WRN: variants seen among roughly 807,000 people sequenced by gnomAD.
The protein encoded by WRN is WRN RecQ like helicase.
WRN carries 149 observed loss-of-function variants against 180.7 expected under a neutral mutation model. That is an observed-to-expected ratio of 0.82 (90% CI 0.72 to 0.94). WRN has a LOEUF of 0.94. Among genes scored for constraint, WRN ranks in the 40% least tolerant of loss-of-function variants. The pLI, the probability that WRN is intolerant of heterozygous loss-of-function variation, is 0.00. For missense variants in WRN, 1,661 were observed against 1,700.1 expected, an observed-to-expected ratio of 0.98 and a Z score of 0.40; for synonymous variants, 548 against 568.9, an observed-to-expected ratio of 0.96 and a Z score of 0.52.
rs2130514189 is a variant in WRN at position 31,167,043 on chromosome 8, T to G, written c.4004T>G (p.Ile1335Ser). Residue 1335 changes from isoleucine (I) to serine (S), a missense_variant, in exon 34 of 35, where the codon ATC becomes AGC. Ile to Ser is a moderately radical substitution (Grantham distance 142). Coordinates refer to ENST00000298139, the MANE Select transcript of WRN (RefSeq NM_000553.6). ...VNSDMSKISLIRMLVPENIDT... is the reference protein window; with the variant it reads ...VNSDMSKISLSRMLVPENIDT... ...ACAGATATGAGTAAAATTAGCCTAA[T>G]CAGAATGTTAGTTCCTGAAAACATT... is the stretch of plus-strand genomic sequence containing the variant. 1 of 1,613,100 alleles carries G rather than the reference T, an allele frequency of 6.2e-7. No homozygotes were observed. Among genetic ancestry groups the G allele is most frequent in the Non-Finnish European group, 8.5e-7 (1 of 1,179,338 alleles).
At chr8:31,116,588 A>G (rs891886197) in intron 20 of WRN, 60 bp downstream of exon 20, 2 of 1,597,886 alleles carry the variant, frequency 1.3e-6, no homozygotes, top group African/African-American at 1.3e-5. Flanking sequence ...TATTTCTCAA[A>G]TGTTTATTTA....
intron 19 of WRN, 94 bp downstream of exon 19, chr8:31,111,893 A>G (rs953354949): frequency 4.2e-6 from 6 of 1,425,158 alleles, no homozygotes; most frequent in Non-Finnish European, 5.8e-6. Flanking sequence ...TTTCCTTCTA[A>G]TGCATATTTA....
intron 21 of WRN, among the ~76,000 whole-genome samples, chr8:31,124,263 G>C (rs1801832538): frequency 6.6e-6 from 1 of 151,972 alleles, no homozygotes; most frequent in Non-Finnish European, 1.5e-5. Context: ...AGCAGCTAAA[G>C]AATTGATACT....
chr8:31,171,040 T>C (rs1389596837), intron 34 of WRN: 1 of 152,198 alleles, frequency 6.6e-6, no homozygotes, highest in Non-Finnish European at 1.5e-5. Flanking sequence ...TTCAGTGATG[T>C]TATGTACTAT....
rs769665299 is a variant in WRN at position 31,141,458 on chromosome 8, G to C, written c.2996G>C (p.Arg999Pro). 6.2e-7 allele frequency: 1 copy of C among 1,613,788 alleles called. No individual in the cohort carries two copies. Among genetic ancestry groups the C allele is most frequent in the African/African-American group, 1.3e-5 (1 of 74,828 alleles). Residue 999 changes from arginine (R) to proline (P), a missense_variant, in exon 25 of 35, where the codon CGC (arginine) becomes CCC (proline). Physicochemically the swap from Arg to Pro is moderately radical, Grantham distance 103 (BLOSUM62 -2). Transcript: ENST00000298139. ...SNSQRLADQYRRHSLFGTGKD... is the reference protein window; with the variant it reads ...SNSQRLADQYPRHSLFGTGKD... ...TCTCAGCGTCTTGCCGATCAATATCGCAGGCACAGTTTATTTGGCACTGGC... is the reference window on the plus strand; with the variant it reads ...TCTCAGCGTCTTGCCGATCAATATCCCAGGCACAGTTTATTTGGCACTGGC...
At chr8:31,163,122 G>T (rs954408327) in intron 33 of WRN, among the ~76,000 whole-genome samples, 1 of 152,226 alleles carries the variant, frequency 6.6e-6, no homozygotes, top group Admixed American at 6.5e-5. Context: ...GCACGCATGC[G>T]TGCTCATTCA....
At chr8:31,157,877 G>A (rs1010565419) in intron 33 of WRN, among the ~76,000 whole-genome samples, 1 of 151,984 alleles carries the variant, frequency 6.6e-6, no homozygotes, top group Non-Finnish European at 1.5e-5. Flanking sequence ...ACAGGCGTGT[G>A]CCACCATGCC....
In WRN at chr8:31,143,916, G is replaced by A. The variant is rs566271186; in HGVS notation, c.3383+293G>A. The stretch of plus-strand genomic sequence containing the variant: ...AGTCTAACAGCTGTTACTATTTATC[G>A]CCATTTTATAGTTGAAGATACCAAG... On this transcript the variant is annotated intron_variant, in intron 28 of 34. Coordinates refer to ENST00000298139, the MANE Select transcript of WRN (RefSeq NM_000553.6). 8.1e-4 allele frequency among the ~76,000 whole-genome samples: 123 copies of A among 152,020 alleles called. 2 individuals are homozygous for A. The highest frequency in any genetic ancestry group is 2.9e-3 in the African/African-American group (119 of 41,448).
At chr8:31,152,955 A>G (rs904335725) in intron 31 of WRN, among the ~76,000 whole-genome samples, 1 of 151,516 alleles carries the variant, frequency 6.6e-6, no homozygotes, top group Non-Finnish European at 1.5e-5. Flanking sequence ...AGGCAGGAGG[A>G]TTGCTTGAGC....
intron 16 of WRN, among the ~76,000 whole-genome samples, chr8:31,095,961 A>C (rs907402054): frequency 5.9e-5 from 9 of 152,198 alleles, no homozygotes; most frequent in African/African-American, 1.9e-4. Context: ...CGAAACAATT[A>C]GCTGTCTTGA....
intron 7 of WRN, among the ~76,000 whole-genome samples, chr8:31,070,565 C>G (rs578224078): frequency 6.6e-6 from 1 of 152,008 alleles, no homozygotes; most frequent in East Asian, 1.9e-4. Flanking sequence ...CCTGAGGGGC[C>G]TACAGTTTTA....
chr8:31,135,569 A>T (rs983724083), intron 24 of WRN, among the ~76,000 whole-genome samples: 2 of 152,182 alleles, frequency 1.3e-5, no homozygotes, highest in Non-Finnish European at 2.9e-5. Context: ...ATGCTGTTGA[A>T]GTTCTGAAGA....
chr8:31,080,024 G>T (rs1239106092), intron 8 of WRN, among the ~76,000 whole-genome samples: 3 of 152,094 alleles, frequency 2.0e-5, no homozygotes, highest in African/African-American at 7.2e-5. Context: ...GAGATTACAG[G>T]CGCATGCCAC....
chr8:31,130,992 A>T lies in WRN; in HGVS notation c.2826-1373A>T, dbSNP rs144692417. On this transcript the variant is annotated intron_variant, in intron 23 of 34. Coordinates refer to ENST00000298139, the MANE Select transcript of WRN (RefSeq NM_000553.6). ...GCCCACCCCATCTCCATCGAAGTCA[A>T]TCTAAACATATTATTGGCCATTTAG... Among the ~76,000 whole-genome samples the T allele has an allele frequency of 4.9e-3, 751 of 152,148 alleles. 7 individuals carry two copies. The highest frequency in any genetic ancestry group is 0.016 in the African/African-American group (684 of 41,520).
intron 20 of WRN, 149 bp downstream of exon 20, chr8:31,116,677 A>T: frequency 1.8e-6 from 2 of 1,092,868 alleles, no homozygotes; most frequent in South Asian, 2.7e-5. Flanking sequence ...AAACTTGCAG[A>T]TTAGTATAAA....
chr8:31,160,275 G>A (rs976486258), intron 33 of WRN, among the ~76,000 whole-genome samples: 2 of 152,152 alleles, frequency 1.3e-5, no homozygotes, highest in African/African-American at 4.8e-5. Context: ...TGATACTTAC[G>A]AATTAACGAT....
chr8:31,152,285 C>T (rs1256097657), intron 31 of WRN, among the ~76,000 whole-genome samples: 4 of 150,830 alleles, frequency 2.7e-5, no homozygotes, highest in Admixed American at 6.6e-5. Flanking sequence ...AAGCCGAGAT[C>T]GTGCCACTGC....
intron 7 of WRN, among the ~76,000 whole-genome samples, chr8:31,069,445 A>G (rs921765841): frequency 2.0e-5 from 3 of 152,138 alleles, no homozygotes; most frequent in Non-Finnish European, 4.4e-5. Flanking sequence ...TCAACCAACC[A>G]CAGATTGAGA....
At chr8:31,121,970 C>G (rs1801740750) in intron 21 of WRN, among the ~76,000 whole-genome samples, 1 of 151,874 alleles carries the variant, frequency 6.6e-6, no homozygotes, top group Non-Finnish European at 1.5e-5. Context: ...TGATTCCTAC[C>G]AGTTCTGATT....
Sources: allele counts gnomAD v4.1 joint callset (sites outside exome capture counted in the v4.1 genomes callset), GRCh38; gene constraint gnomAD v4.1.1; transcripts MANE v1.5; gene names NCBI Gene and HGNC (gene_info 2026-07-23, HGNC 2026-07-21).